The following GTF2F2 variants were observed in gnomAD, a reference collection of about 807,000 sequenced individuals.
The protein encoded by GTF2F2 is ATP-dependent helicase GTF2F2.
In GTF2F2, 23 loss-of-function variants were observed where a neutral mutation model predicts 42.2. That is an observed-to-expected ratio of 0.55 (90% CI 0.39 to 0.77). The LOEUF (loss-of-function observed/expected upper bound fraction) is 0.77, where lower values mean the gene tolerates loss of function less well. Among genes scored for constraint, GTF2F2 ranks in the 30% least tolerant of loss-of-function variants. GTF2F2 has a pLI of 0.00. For synonymous variants in GTF2F2, 105 were observed against 100.8 expected, an observed-to-expected ratio of 1.04 and a Z score of -0.25; for missense variants, 261 against 287.2, an observed-to-expected ratio of 0.91 and a Z score of 0.66.
At chr13:45,263,238 T>G (rs1876417846) in intron 6 of GTF2F2, among the ~76,000 whole-genome samples, 1 of 152,106 alleles carries the variant, frequency 6.6e-6, no homozygotes. Context: ...TAAATTTTTT[T>G]TTTTTTTGAG....
chr13:45,250,624 TC>T (rs1875839733), intron 5 of GTF2F2, among the ~76,000 whole-genome samples: 1 of 152,090 alleles, frequency 6.6e-6, no homozygotes, highest in African/African-American at 2.4e-5. Context: ...AGAGGCTCCT[TC>T]CAGAGTCTGG....
intron 5 of GTF2F2, among the ~76,000 whole-genome samples, chr13:45,216,872 T>A (rs115260318): frequency 6.6e-6 from 1 of 152,074 alleles, no homozygotes; most frequent in African/African-American, 2.4e-5. Context: ...TGTGGGGGTC[T>A]GACCTCATCT....
At chr13:45,212,418 G>GGATT (rs1873687137) in intron 5 of GTF2F2, among the ~76,000 whole-genome samples, 1 of 139,178 alleles carries the variant, frequency 7.2e-6, no homozygotes, top group South Asian at 2.4e-4. Flanking sequence ...CTTCTACCTA[G>GGATT]GATTGATTTC....
chr13:45,220,519 A>G (rs934982859), intron 5 of GTF2F2, among the ~76,000 whole-genome samples: 6 of 152,172 alleles, frequency 3.9e-5, no homozygotes, highest in South Asian at 2.1e-4. Flanking sequence ...ATACTACCAT[A>G]TAAGTATCAG....
chr13:45,123,900 G>A (rs1467592562), intron 1 of GTF2F2: 5 of 329,006 alleles, frequency 1.5e-5, no homozygotes, highest in Non-Finnish European at 2.3e-5. Flanking sequence ...TGGAAGCTGT[G>A]AGGAGGGGAG....
chr13:45,165,574 C>CG (rs1566120167), intron 4 of GTF2F2, among the ~76,000 whole-genome samples: 2 of 149,156 alleles, frequency 1.3e-5, no homozygotes, highest in Non-Finnish European at 3.0e-5. Flanking sequence ...CTCGCCCCCC[C>CG]CCGCCGCCCG....
intron 2 of GTF2F2, among the ~76,000 whole-genome samples, chr13:45,148,717 A>G (rs917060020): frequency 6.6e-6 from 1 of 152,178 alleles, no homozygotes; most frequent in Non-Finnish European, 1.5e-5. Flanking sequence ...TTAACTCAGT[A>G]CTTTGCATGT....
At position 45,120,603 on chromosome 13, in the gene GTF2F2, G is replaced by C; in HGVS notation, c.-53G>C. On this transcript the variant is annotated 5_prime_UTR_variant, in exon 1 of 8. Transcript: ENST00000340473. The stretch of plus-strand genomic sequence containing the variant: ...TTCCGGACGCCCGCTCCTCAGCCCT[G>C]CGGCTCCTGGGGTCGCTGCTGCATC... The C allele has an allele frequency of 7.2e-7, 1 of 1,385,240 alleles. No individual in the cohort carries two copies. Among genetic ancestry groups the C allele is most frequent in the Non-Finnish European group, 1.0e-6 (1 of 996,696 alleles). 85.8% of individuals were successfully genotyped at this position (1,385,240 alleles called of 1,614,324 possible).
chr13:45,243,046 G>A (rs1243212742), intron 5 of GTF2F2, among the ~76,000 whole-genome samples: 1 of 152,172 alleles, frequency 6.6e-6, no homozygotes, highest in East Asian at 1.9e-4. Flanking sequence ...TCTCAGTATA[G>A]TACATAACTT....
At chr13:45,263,655 CTGAATCTCATTACTTAAGAT>C (rs1453169364) in intron 6 of GTF2F2, 4 of 152,192 alleles carry the variant, frequency 2.6e-5, no homozygotes, top group African/African-American at 9.7e-5. Context: ...ATTTTATTTT[CTGAATCTCATTACTTAAGAT>C]TGACATATGC....
intron 5 of GTF2F2, among the ~76,000 whole-genome samples, chr13:45,245,062 T>G (rs1875517216): frequency 6.6e-6 from 1 of 152,200 alleles, no homozygotes; most frequent in Non-Finnish European, 1.5e-5. Flanking sequence ...AAAGAGAAAC[T>G]GATATCTTCA....
chr13:45,165,310 AATAT>A (rs1157066625), intron 4 of GTF2F2, among the ~76,000 whole-genome samples: 7 of 141,682 alleles, frequency 4.9e-5, no homozygotes, highest in South Asian at 4.4e-4. Flanking sequence ...TTATATCTAA[AATAT>A]ATATATATAT....
chr13:45,216,817 C>G (rs2138200373), intron 5 of GTF2F2, among the ~76,000 whole-genome samples: 1 of 151,984 alleles, frequency 6.6e-6, no homozygotes, highest in South Asian at 2.1e-4. Context: ...CCGCGCCGGC[C>G]CAAAGTTTGT....
chr13:45,180,829 CTGGTCTCTGATG>C (rs1405146545), intron 4 of GTF2F2, among the ~76,000 whole-genome samples: 2 of 151,976 alleles, frequency 1.3e-5, no homozygotes, highest in Admixed American at 1.3e-4. Flanking sequence ...TGGTAAATTG[CTGGTCTCTGATG>C]TGGTCTTTGT....
rs145762347 is a variant in GTF2F2 at position 45,248,568 on chromosome 13, G to C, written c.387-4303G>C. On this transcript the variant is annotated intron_variant, in intron 5 of 7. Coordinates refer to ENST00000340473, the MANE Select transcript of GTF2F2 (RefSeq NM_004128.3). ...AGCTCACTGCAACCTCTGCCTCCTG[G>C]GTTCAAGCAATTTTCCTGCCTCAGC... is the stretch of plus-strand genomic sequence containing the variant. Among the ~76,000 whole-genome samples the C allele has an allele frequency of 6.0e-4, 92 of 152,110 alleles. No homozygotes were observed. The East Asian group carries it at 0.015, about 25-fold the overall frequency.
At chr13:45,252,736 A>AT (rs1453686956) in intron 5 of GTF2F2, 135 bp from the exon 6 acceptor site, 1 of 566,426 alleles carries the variant, frequency 1.8e-6, no homozygotes, top group Non-Finnish European at 3.1e-6. Context: ...TTTTTAAAGT[A>AT]TTAAAGCTAG....
At chr13:45,164,886 G>C (rs1019572133) in intron 4 of GTF2F2, among the ~76,000 whole-genome samples, 2 of 152,190 alleles carry the variant, frequency 1.3e-5, no homozygotes, top group African/African-American at 4.8e-5. Context: ...CTGTGTTCTT[G>C]ATTACGTTGG....
chr13:45,179,086 G>T (rs570487224), intron 4 of GTF2F2, among the ~76,000 whole-genome samples: 117 of 152,308 alleles, frequency 7.7e-4, no homozygotes, highest in African/African-American at 2.7e-3. Flanking sequence ...TTAAGGACTG[G>T]GCTTGGAACT....
chr13:45,126,228 T>C (rs889374994), intron 1 of GTF2F2, among the ~76,000 whole-genome samples: 15 of 151,664 alleles, frequency 9.9e-5, no homozygotes, highest in African/African-American at 3.6e-4. Context: ...GCACCTTGGC[T>C]TCAAAGGGAA....
Sources: gnomAD v4.1 joint callset for allele counts (sites outside exome capture counted in the v4.1 genomes callset) on GRCh38, gnomAD v4.1.1 for gene constraint, MANE v1.5 for transcripts, NCBI Gene and HGNC (gene_info 2026-07-23, HGNC 2026-07-21) for gene names.